The following UNC13C variants were observed in gnomAD, a reference collection of about 807,000 sequenced individuals.
UNC13C encodes the protein protein unc-13 homolog C.
In UNC13C, 174 loss-of-function variants were observed where a neutral mutation model predicts 245.4. The ratio of observed to expected loss-of-function variants is 0.71; its 90% CI spans 0.63 to 0.80. The LOEUF (loss-of-function observed/expected upper bound fraction) is 0.80, where lower values mean the gene tolerates loss of function less well. UNC13C is among the 30% of genes least tolerant of loss of function. The probability of loss-of-function intolerance (pLI) is 0.00; values close to 1 mark genes in which losing one functional copy is unlikely to be tolerated. For synonymous variants in UNC13C, 992 were observed against 895.1 expected (o/e 1.11, Z -1.93); for missense variants, 2,829 against 2,602.9 (o/e 1.09, Z -1.89).
At chr15:54,117,919 T>C (rs1273715707) in intron 2 of UNC13C, among the ~76,000 whole-genome samples, 1 of 152,132 alleles carries the variant, frequency 6.6e-6, no homozygotes, top group Non-Finnish European at 1.5e-5. Context: ...TTCCCTATTA[T>C]ATGTTCTTGG....
At chr15:54,050,338 C>T in intron 2 of UNC13C, 1 of 570,626 alleles carries the variant, frequency 1.8e-6, no homozygotes, top group Non-Finnish European at 3.5e-6. Flanking sequence ...CAGGACCCCA[C>T]ACTACTGAAT....
intron 2 of UNC13C, among the ~76,000 whole-genome samples, chr15:54,098,330 A>T (rs1315945982): frequency 2.6e-5 from 4 of 152,124 alleles, no homozygotes; most frequent in Admixed American, 6.5e-5. Context: ...AAGTGCCACC[A>T]CGCCTGGCTA....
At chr15:53,983,675 A>G (rs945727193) in intron 1 of UNC13C, among the ~76,000 whole-genome samples, 3 of 151,710 alleles carry the variant, frequency 2.0e-5, no homozygotes, top group Non-Finnish European at 2.9e-5. Context: ...TTCATTCTCC[A>G]TTTGGCCTTG....
chr15:54,140,536 G>A (rs1009303164), intron 2 of UNC13C, among the ~76,000 whole-genome samples: 11 of 152,336 alleles, frequency 7.2e-5, no homozygotes, highest in Non-Finnish European at 1.0e-4. Flanking sequence ...AACCCAGGAT[G>A]ACAGCAGGGA....
At chr15:53,855,546 A>G in the UNC13C span, among the ~76,000 whole-genome samples, 2 of 152,160 alleles carry the variant, frequency 1.3e-5, no homozygotes, top group Non-Finnish European at 2.9e-5. Context: ...GCATCTATTG[A>G]GATTATCATA....
intron 8 of UNC13C, among the ~76,000 whole-genome samples, chr15:54,258,931 T>A (rs910501106): frequency 2.0e-5 from 3 of 152,222 alleles, no homozygotes; most frequent in African/African-American, 7.2e-5. Flanking sequence ...GGGGGGCTTA[T>A]AAACAACATA....
intron 2 of UNC13C, among the ~76,000 whole-genome samples, chr15:54,115,879 C>G (rs1288321272): frequency 5.9e-5 from 9 of 152,020 alleles, no homozygotes; most frequent in Non-Finnish European, 7.4e-5. Context: ...TATGGTATGA[C>G]TTTGATGACC....
At chr15:53,870,621 C>T in the UNC13C span, among the ~76,000 whole-genome samples, 1 of 152,158 alleles carries the variant, frequency 6.6e-6, no homozygotes, top group East Asian at 1.9e-4. Flanking sequence ...GCTTCTGTTA[C>T]AGCAATTGAG....
chr15:54,455,641 G>A (rs1891478866), intron 19 of UNC13C, among the ~76,000 whole-genome samples: 1 of 150,658 alleles, frequency 6.6e-6, no homozygotes, highest in South Asian at 2.1e-4. Flanking sequence ...ATGTTTGTTG[G>A]CCATTTTATA....
At chr15:54,266,753 A>T (rs1451548339) in intron 10 of UNC13C, among the ~76,000 whole-genome samples, 1 of 152,084 alleles carries the variant, frequency 6.6e-6, no homozygotes, top group Non-Finnish European at 1.5e-5. Flanking sequence ...TAATGAACAT[A>T]TCCATCAGTG....
At chr15:54,532,048 G>T (rs553389306) in intron 25 of UNC13C, among the ~76,000 whole-genome samples, 1 of 152,254 alleles carries the variant, frequency 6.6e-6, no homozygotes, top group East Asian at 1.9e-4. Flanking sequence ...ATGTTCAGGG[G>T]TATATGTGCA....
At chr15:54,135,892 A>G (rs1055031549) in intron 2 of UNC13C, among the ~76,000 whole-genome samples, 1 of 152,130 alleles carries the variant, frequency 6.6e-6, no homozygotes, top group African/African-American at 2.4e-5. Flanking sequence ...TGAAAAAGCC[A>G]TGGGAATTTT....
At chr15:53,879,276 C>T in the UNC13C span, among the ~76,000 whole-genome samples, 2 of 152,110 alleles carry the variant, frequency 1.3e-5, no homozygotes, top group Admixed American at 6.5e-5. Context: ...ATACTCCCAC[C>T]TGAGCCTCCT....
At chr15:54,348,151 T>A (rs1749780942) in intron 17 of UNC13C, among the ~76,000 whole-genome samples, 1 of 152,172 alleles carries the variant, frequency 6.6e-6, no homozygotes, top group South Asian at 2.1e-4. Flanking sequence ...TGTACAGCAA[T>A]TTACACATCA....
chr15:54,149,848 T>G (rs1011560666), intron 4 of UNC13C, among the ~76,000 whole-genome samples: 4 of 152,188 alleles, frequency 2.6e-5, no homozygotes, highest in Non-Finnish European at 5.9e-5. Context: ...AAATACAAGA[T>G]CACAACTGTT....
intron 17 of UNC13C, among the ~76,000 whole-genome samples, chr15:54,355,802 T>A (rs2039082322): frequency 6.6e-6 from 1 of 152,186 alleles, no homozygotes; most frequent in African/African-American, 2.4e-5. Context: ...CCTCCCCTCC[T>A]GGAAATAAAC....
chr15:54,564,406 A>G (rs1897420483), intron 29 of UNC13C, among the ~76,000 whole-genome samples: 3 of 151,968 alleles, frequency 2.0e-5, no homozygotes, highest in Admixed American at 2.0e-4. Flanking sequence ...CACCTTATTT[A>G]TGATTTCATT....
intron 19 of UNC13C, among the ~76,000 whole-genome samples, chr15:54,444,942 T>C: frequency 2.0e-5 from 3 of 151,444 alleles, no homozygotes. Context: ...ATTAGGTATA[T>C]CTCCTAATGC....
the UNC13C span, among the ~76,000 whole-genome samples, chr15:53,943,951 T>C: frequency 6.6e-6 from 1 of 152,132 alleles, no homozygotes; most frequent in Non-Finnish European, 1.5e-5. Flanking sequence ...TTTCTTTTGA[T>C]TAATGTTTAC....
Sources: gnomAD v4.1 joint callset for allele counts (sites outside exome capture counted in the v4.1 genomes callset) on GRCh38, gnomAD v4.1.1 for gene constraint, MANE v1.5 for transcripts, NCBI Gene and HGNC (gene_info 2026-07-23, HGNC 2026-07-21) for gene names.